EYA2: variants seen among roughly 807,000 people sequenced by gnomAD.
The protein encoded by EYA2 is EYA transcriptional coactivator and phosphatase 2, also known as protein phosphatase EYA2.
In EYA2, 31 loss-of-function variants were observed where a neutral mutation model predicts 69.2. The observed-to-expected ratio is 0.45, with a 90% CI of 0.34 to 0.60. The LOEUF is 0.60. Among genes scored for constraint, EYA2 ranks in the 20% least tolerant of loss-of-function variants. The pLI is 0.02. For missense variants in EYA2, 622 were observed against 701.2 expected, an observed-to-expected ratio of 0.89 and a Z score of 1.28; for synonymous variants, 257 against 279.4, an observed-to-expected ratio of 0.92 and a Z score of 0.80.
At chr20:47,056,586 A>G (rs1217769434) in intron 5 of EYA2, among the ~76,000 whole-genome samples, 4 of 152,186 alleles carry the variant, frequency 2.6e-5, no homozygotes, top group Admixed American at 6.5e-5. Context: ...TAAACAAACT[A>G]TGCTTAGCTC....
chr20:46,932,122 A>G (rs6018190), intron 1 of EYA2, among the ~76,000 whole-genome samples: 83,447 of 150,970 alleles, frequency 0.55, 23,454 homozygotes, highest in African/African-American at 0.62. Flanking sequence ...CATTTCATCC[A>G]CCTACCTCGC....
intron 9 of EYA2, among the ~76,000 whole-genome samples, chr20:47,101,762 C>T (rs2146526165): frequency 1.3e-5 from 2 of 152,268 alleles, no homozygotes; most frequent in African/African-American, 4.8e-5. Context: ...GCTTGGATGT[C>T]AGAGAAGTAA....
At chr20:47,108,698 A>G (rs2032661241) in intron 9 of EYA2, among the ~76,000 whole-genome samples, 1 of 151,996 alleles carries the variant, frequency 6.6e-6, no homozygotes, top group Admixed American at 6.6e-5. Context: ...CAGCCTCCCA[A>G]GTAGCTGAGA....
intron 9 of EYA2, among the ~76,000 whole-genome samples, chr20:47,099,415 C>T (rs748249067): frequency 1.3e-5 from 2 of 152,170 alleles, no homozygotes; most frequent in Non-Finnish European, 2.9e-5. Context: ...CCTTTGGTCC[C>T]AGCTACTCAG....
At chr20:46,913,857 G>A (rs1160486546) in intron 1 of EYA2, among the ~76,000 whole-genome samples, 1 of 152,162 alleles carries the variant, frequency 6.6e-6, no homozygotes, top group Non-Finnish European at 1.5e-5. Flanking sequence ...CTGGCATTGA[G>A]CCAGGTGTTT....
intron 5 of EYA2, among the ~76,000 whole-genome samples, chr20:47,021,781 G>T (rs1983766601): frequency 6.6e-6 from 1 of 152,118 alleles, no homozygotes; most frequent in Non-Finnish European, 1.5e-5. Flanking sequence ...ATTCAGGGAT[G>T]TGTAGGAAAT....
At chr20:47,062,639 A>G (rs988341752) in intron 5 of EYA2, among the ~76,000 whole-genome samples, 1 of 152,174 alleles carries the variant, frequency 6.6e-6, no homozygotes, top group Non-Finnish European at 1.5e-5. Flanking sequence ...GCTCTGGCAC[A>G]TGAGCTGTTT....
intron 10 of EYA2, among the ~76,000 whole-genome samples, chr20:47,159,887 G>A (rs1283302061): frequency 6.6e-6 from 1 of 152,042 alleles, no homozygotes; most frequent in Non-Finnish European, 1.5e-5. Flanking sequence ...CTACTTGGGA[G>A]GCTGAGGCAG....
intron 5 of EYA2, 76 bp from the exon 6 acceptor site, chr20:47,072,109 T>C: frequency 7.3e-7 from 1 of 1,368,310 alleles, no homozygotes; most frequent in South Asian, 1.2e-5. Flanking sequence ...GGGAGGTTCA[T>C]GAAATGCTAA....
intron 1 of EYA2, among the ~76,000 whole-genome samples, chr20:46,946,547 A>C (rs891310538): frequency 1.3e-5 from 2 of 152,194 alleles, no homozygotes; most frequent in Admixed American, 1.3e-4. Flanking sequence ...TCATTTGAAC[A>C]TGAGCCTGGG....
At position 46,930,667 on chromosome 20, in the gene EYA2, A is replaced by G. The variant is rs182261589; in HGVS notation, c.-11+35680A>G. ...TGAGGAATTCAGCAGCTTGTCATAA[A>G]CTAAAAAAAGGCACACTTGCACATT... is the stretch of plus-strand genomic sequence containing the variant. On this transcript the variant is annotated intron_variant, in intron 1 of 15. Coordinates refer to ENST00000327619, the MANE Select transcript of EYA2 (RefSeq NM_005244.5). Among the ~76,000 whole-genome samples, 732 of 152,322 alleles carry G rather than the reference A, an allele frequency of 4.8e-3. 6 individuals carry two copies. Among genetic ancestry groups the G allele is most frequent in the Non-Finnish European group, 6.8e-3 (461 of 68,034 alleles).
intron 9 of EYA2, among the ~76,000 whole-genome samples, chr20:47,133,257 A>T (rs3827052): frequency 6.6e-6 from 1 of 152,106 alleles, no homozygotes. Context: ...CCACCCCAGG[A>T]AAAAAAGGTG....
At position 47,071,795 on chromosome 20, in the gene EYA2, T is replaced by C. The variant is rs8121793; in HGVS notation, c.416-390T>C. ...CCTCAAAGACCCCACCTGGCCATGG[T>C]ACCCTCCTCCTGCATGTTCCTCTCC... On this transcript the variant is annotated intron_variant, in intron 5 of 15. Coordinates refer to ENST00000327619, the MANE Select transcript of EYA2 (RefSeq NM_005244.5). 458 of 185,222 alleles carry C rather than the reference T, an allele frequency of 2.5e-3. 1 individual carries two copies. Among genetic ancestry groups the C allele is most frequent in the African/African-American group, 0.01 (429 of 42,704 alleles). The allele number at this position is 185,222 out of a possible 1,614,324, so 11.5% of individuals were successfully genotyped here.
At chr20:47,097,027 T>C (rs1349246259) in intron 8 of EYA2, 58 bp from the exon 9 acceptor site, 12 of 1,250,710 alleles carry the variant, frequency 9.6e-6, no homozygotes, top group Non-Finnish European at 1.2e-5. Flanking sequence ...TCTGCAGACA[T>C]TAAGTCAGAT....
At chr20:47,119,886 G>C (rs761939391) in intron 9 of EYA2, among the ~76,000 whole-genome samples, 2 of 152,112 alleles carry the variant, frequency 1.3e-5, no homozygotes, top group Non-Finnish European at 2.9e-5. Context: ...GGGCAACATA[G>C]TAAGAGCTTG....
chr20:46,917,946 T>G (rs532995235), intron 1 of EYA2, among the ~76,000 whole-genome samples: 4 of 152,316 alleles, frequency 2.6e-5, no homozygotes, highest in South Asian at 4.1e-4. Context: ...ATCCATTCTC[T>G]TCCTTTTATG....
rs193295559 is a variant in EYA2, at chr20:47,073,349, C to T, written c.484-809C>T. ...CTATTGAATTGATCTCCATGACTCC[C>T]TCATAGAATATTCTGGACCCCTAAT... On this transcript the variant is annotated intron_variant, in intron 6 of 15. Coordinates refer to ENST00000327619, the MANE Select transcript of EYA2 (RefSeq NM_005244.5). Among the ~76,000 whole-genome samples, 5 of 152,196 alleles carry T rather than the reference C, an allele frequency of 3.3e-5. No individual in the cohort carries two copies. The East Asian group carries it at 7.7e-4, about 24-fold the overall frequency.
At chr20:47,187,966 G>A in intron 15 of EYA2, 87 bp from the exon 16 acceptor site, 1 of 1,399,414 alleles carries the variant, frequency 7.1e-7, no homozygotes, top group South Asian at 1.2e-5. Flanking sequence ...TAACTGGGTT[G>A]ACTTCTCACA....
At chr20:47,031,140 CAG>C (rs1165476148) in intron 5 of EYA2, among the ~76,000 whole-genome samples, 2 of 152,140 alleles carry the variant, frequency 1.3e-5, no homozygotes, top group Admixed American at 6.6e-5. Flanking sequence ...GGAGAATAAA[CAG>C]GGAGATGTAA....
Sources: gnomAD v4.1 joint callset for allele counts (sites outside exome capture counted in the v4.1 genomes callset) on GRCh38, gnomAD v4.1.1 for gene constraint, MANE v1.5 for transcripts, NCBI Gene and HGNC (gene_info 2026-07-23, HGNC 2026-07-21) for gene names.